The following IL7 variants were observed in gnomAD, a reference collection of about 807,000 sequenced individuals.
IL7 encodes the protein interleukin 7.
Under a neutral mutation model 21.6 loss-of-function variants are expected in IL7, and 3 were observed. The ratio of observed to expected loss-of-function variants is 0.14; its 90% CI spans 0.06 to 0.36. The LOEUF (loss-of-function observed/expected upper bound fraction) is 0.36, where lower values mean the gene tolerates loss of function less well. Among genes scored for constraint, IL7 ranks in the 10% least tolerant of loss-of-function variants. IL7 has a pLI of 1.00. For missense variants in IL7, 175 were observed against 200.2 expected (o/e 0.87, Z 0.76); for synonymous variants, 62 against 68.1 (o/e 0.91, Z 0.44).
intron 4 of IL7, chr8:78,679,501 AT>A (rs1240265808): frequency 6.6e-6 from 1 of 151,954 alleles, no homozygotes; most frequent in African/African-American, 2.4e-5. Flanking sequence ...ATGGTTATTT[AT>A]TTTTTTCCTG....
intron 5 of IL7, chr8:78,719,746 A>G (rs1483435202): frequency 6.6e-6 from 1 of 151,798 alleles, no homozygotes; most frequent in Non-Finnish European, 1.5e-5. Context: ...CCTATTCAAT[A>G]AAGACATGAA....
intron 5 of IL7, among the ~76,000 whole-genome samples, chr8:78,734,786 T>G (rs1811516428): frequency 6.6e-6 from 1 of 152,214 alleles, no homozygotes; most frequent in African/African-American, 2.4e-5. Context: ...CATAATTTAC[T>G]TCATTTTATT....
intron 2 of IL7, among the ~76,000 whole-genome samples, chr8:78,769,691 G>A (rs1812886039): frequency 6.6e-6 from 1 of 152,044 alleles, no homozygotes; most frequent in African/African-American, 2.4e-5. Flanking sequence ...CTACTTTTAA[G>A]TTCATATGGA....
At chr8:78,687,678 CATT>C (rs1241193260) in intron 3 of IL7, among the ~76,000 whole-genome samples, 1 of 110,506 alleles carries the variant, frequency 9.0e-6, no homozygotes, top group South Asian at 2.9e-4. Flanking sequence ...TTACGTAATA[CATT>C]ATATATATTT....
At chr8:78,681,901 C>CTTTTTTTTTTTTTTTTTT (rs56181953) in intron 4 of IL7, among the ~76,000 whole-genome samples, 5 of 126,486 alleles carry the variant, frequency 4.0e-5, no homozygotes, top group African/African-American at 8.5e-5. Context: ...CTTTTTCTTT[C>CTTTTTTTTTTTTTTTTTT]TTTTTTTTTT....
chr8:78,774,237 C>T (rs950576656), intron 2 of IL7, among the ~76,000 whole-genome samples: 35 of 152,098 alleles, frequency 2.3e-4, no homozygotes, highest in African/African-American at 8.4e-4. Context: ...TTATCTAACC[C>T]TGTAGCCTTG....
At chr8:78,791,809 A>C (rs1813704448) in intron 2 of IL7, among the ~76,000 whole-genome samples, 1 of 152,144 alleles carries the variant, frequency 6.6e-6, no homozygotes, top group South Asian at 2.1e-4. Context: ...ACTTCTGTCC[A>C]TGCCACTCAC....
rs150478564 is a variant in IL7 at position 78,701,852 on chromosome 8, G to A, written n.215-15905C>T. Among the ~76,000 whole-genome samples, 397 of 152,294 alleles carry A rather than the reference G, an allele frequency of 2.6e-3. 1 individual carries two copies. The highest frequency in any genetic ancestry group is 9.0e-3 in the African/African-American group (375 of 41,554). Reference sequence around the variant, plus strand: ...CAGGGATGAAGCCTACTTGATCCTGGTGGATAAGCTTGTTGATGTGCTGCT... The same window carrying A: ...CAGGGATGAAGCCTACTTGATCCTGATGGATAAGCTTGTTGATGTGCTGCT... On this transcript the variant is annotated intron_variant and non_coding_transcript_variant, in intron 3 of 4. Coordinates refer to the IL7 transcript ENST00000523959.
intron 2 of IL7, among the ~76,000 whole-genome samples, chr8:78,759,984 G>A (rs927715488): frequency 1.1e-4 from 17 of 152,142 alleles, no homozygotes; most frequent in South Asian, 2.1e-4. Context: ...AAGCTTGAGA[G>A]TTCAAACAGG....
chr8:78,690,429 G>A lies in IL7; in HGVS notation n.215-4482C>T, dbSNP rs1311320360. Among the ~76,000 whole-genome samples the A allele has an allele frequency of 9.2e-5, 14 of 152,014 alleles. No individual in the cohort carries two copies. The East Asian group carries it at 1.7e-3, about 19-fold the overall frequency. On this transcript the variant is annotated intron_variant and non_coding_transcript_variant, in intron 3 of 4. Coordinates refer to the IL7 transcript ENST00000523959. ...CAAAAAATTAGCTGGACGTGGTGGC[G>A]GGCGCCTGTAGTCCCAGCTACTTGG...
At chr8:78,747,846 A>C (rs1812035605) in intron 2 of IL7, among the ~76,000 whole-genome samples, 2 of 152,234 alleles carry the variant, frequency 1.3e-5, no homozygotes, top group Admixed American at 1.3e-4. Context: ...AACTGTTATG[A>C]ATACAAGATA....
chr8:78,677,291 A>G (rs1809611968), intron 4 of IL7, among the ~76,000 whole-genome samples: 8 of 152,080 alleles, frequency 5.3e-5, no homozygotes. Flanking sequence ...GTCATTTAAG[A>G]CAGCTTCCAT....
chr8:78,735,402 T>A (rs1811556638), intron 5 of IL7, among the ~76,000 whole-genome samples: 1 of 146,070 alleles, frequency 6.8e-6, no homozygotes, highest in African/African-American at 2.5e-5. Context: ...AACCTCCACC[T>A]CCTGGGTTCA....
At chr8:78,695,481 A>G (rs1810370301) in intron 3 of IL7, among the ~76,000 whole-genome samples, 1 of 152,020 alleles carries the variant, frequency 6.6e-6, no homozygotes, top group South Asian at 2.1e-4. Context: ...TATGCTAATC[A>G]TTTTGCTCTT....
intron 2 of IL7, among the ~76,000 whole-genome samples, chr8:78,769,292 C>T (rs1369954477): frequency 6.6e-6 from 1 of 152,098 alleles, no homozygotes. Context: ...ACCCCATTGT[C>T]TCAGCCCAAA....
At chr8:78,698,630 T>A in intron 3 of IL7, 1 of 787,156 alleles carries the variant, frequency 1.3e-6, no homozygotes, top group Non-Finnish European at 1.8e-6. Flanking sequence ...ATTTGTCTTT[T>A]AACATTTTGC....
Position 78,736,501 on chromosome 8 carries a change from C to T in IL7, c.387G>A (p.Leu129=). 6.2e-7 allele frequency: 1 copy of T among 1,603,848 alleles called. No individual in the cohort carries two copies. Among genetic ancestry groups the T allele is most frequent in the South Asian group, 1.1e-5 (1 of 89,402 alleles). The change falls in exon 5 of 6, where the codon CTG becomes CTA. Residue 129 remains leucine, a synonymous_variant. Coordinates refer to ENST00000263851, the MANE Select transcript of IL7 (RefSeq NM_000880.4). The part of the protein sequence containing the change: ...GQVKGRKPAA[L]GEAQPTKSLE... ...AACTCTTTGTTGGTTGGGCTTCACCCAGGGCAGCTGGTTTTCTTCCTTTAA... is the reference window on the plus strand; with the variant it reads ...AACTCTTTGTTGGTTGGGCTTCACCTAGGGCAGCTGGTTTTCTTCCTTTAA...
Position 78,748,897 on chromosome 8 carries a change from GAAAAT to G in IL7, c.148-8820_148-8816del, listed in dbSNP as rs775977045. ...TAATGGAATGGTAAAATAGATGATGGAAAATAAAATAAAATATTAAGCAGATATAT... is the reference window on the plus strand; with the variant it reads ...TAATGGAATGGTAAAATAGATGATGGAAAATAAAATATTAAGCAGATATAT... On this transcript the variant is annotated intron_variant, in intron 2 of 5. Transcript: ENST00000263851. Among the ~76,000 whole-genome samples, 56 of 152,194 alleles carry G rather than the reference GAAAAT, an allele frequency of 3.7e-4. 1 individual carries two copies. The East Asian group carries it at 5.2e-3, about 14-fold the overall frequency.
intron 2 of IL7, among the ~76,000 whole-genome samples, chr8:78,745,911 C>T (rs757293775): frequency 6.6e-6 from 1 of 152,068 alleles, no homozygotes; most frequent in Admixed American, 6.5e-5. Context: ...CCTAGTGGCT[C>T]CAGTCTCTGC....
Sources: allele counts gnomAD v4.1 joint callset (sites outside exome capture counted in the v4.1 genomes callset), GRCh38; gene constraint gnomAD v4.1.1; transcripts MANE v1.5; gene names NCBI Gene and HGNC (gene_info 2026-07-23, HGNC 2026-07-21).